The following SMAD1 variants were observed in gnomAD, a reference collection of about 807,000 sequenced individuals.
SMAD1 encodes the protein SMAD family member 1, also known as MAD, mothers against decapentaplegic homolog 1.
SMAD1 carries 6 observed loss-of-function variants against 41.6 expected under a neutral mutation model. That is an observed-to-expected ratio of 0.14 (90% confidence interval 0.08 to 0.28). The LOEUF is 0.28. SMAD1 is among the 10% of genes least tolerant of loss of function. The probability of loss-of-function intolerance (pLI) is 1.00; values close to 1 mark genes in which losing one functional copy is unlikely to be tolerated. For synonymous variants in SMAD1, 206 were observed against 203.2 expected (o/e 1.01, Z -0.12); for missense variants, 379 against 582.6 (o/e 0.65, Z 3.60).
At position 145,539,959 on chromosome 4, in the gene SMAD1, C is replaced by T. The variant is rs773114294; in HGVS notation, c.556C>T (p.His186Tyr). 6.2e-7 allele frequency: 1 copy of T among 1,614,078 alleles called. No homozygotes were observed. Among genetic ancestry groups the T allele is most frequent in the East Asian group, 2.2e-5 (1 of 44,878 alleles). The stretch of plus-strand genomic sequence containing the variant: ...GCAACCCAACAGCCACCCGTTTCCT[C>T]ACTCTCCCAATAGCAGTTACCCAAA... ...FQQPNSHPFP[H>Y]SPNSSYPNSP... is the part of the protein sequence containing the mutation. The change falls in exon 3 of 7, where the codon CAC (histidine) becomes TAC (tyrosine). Residue 186 changes from histidine (H) to tyrosine (Y), a missense_variant. Around this residue, in one of 3 missense-constraint regions of SMAD1, gnomAD observed 208 missense variants for 210.5 expected, o/e 0.99. Coordinates refer to ENST00000302085, the MANE Select transcript of SMAD1 (RefSeq NM_005900.3).
chr4:145,508,193 C>T (rs1180031577), intron 1 of SMAD1, among the ~76,000 whole-genome samples: 6 of 151,472 alleles, frequency 4.0e-5, no homozygotes, highest in Admixed American at 6.6e-5. Flanking sequence ...AGATTTAAAA[C>T]CTTCCACTTG....
At chr4:145,556,384 A>G (rs956278347) in intron 6 of SMAD1, among the ~76,000 whole-genome samples, 6 of 152,070 alleles carry the variant, frequency 3.9e-5, no homozygotes, top group Admixed American at 1.3e-4. Context: ...ACATACATCT[A>G]TGTAGATATA....
At chr4:145,544,836 A>G (rs913194704) in intron 4 of SMAD1, 6 of 152,218 alleles carry the variant, frequency 3.9e-5, no homozygotes, top group African/African-American at 1.2e-4. Flanking sequence ...GGACCAGGAT[A>G]CCAGGAGAGA....
At chr4:145,481,018 A>G (rs1306875339), upstream of SMAD1, among the ~76,000 whole-genome samples, 1 of 147,830 alleles carries the variant, frequency 6.8e-6, no homozygotes, top group Non-Finnish European at 1.5e-5. Flanking sequence ...GCAAGATTTT[A>G]TGCAGCTTCA....
intron 2 of SMAD1, among the ~76,000 whole-genome samples, chr4:145,524,192 A>G (rs551527502): frequency 6.6e-6 from 1 of 152,330 alleles, no homozygotes; most frequent in South Asian, 2.1e-4. Flanking sequence ...TATGGTTGAT[A>G]ATTTTATTAT....
rs10548153 is a variant in SMAD1 at position 145,531,211 on chromosome 4, CAT to C, written c.401-8590_401-8589del. 4.5e-3 allele frequency among the ~76,000 whole-genome samples: 690 copies of C among 152,340 alleles called. 1 individual carries two copies. Among genetic ancestry groups the C allele is most frequent in the African/African-American group, 0.016 (663 of 41,582 alleles). On this transcript the variant is annotated intron_variant, in intron 2 of 6. Coordinates refer to ENST00000302085, the MANE Select transcript of SMAD1 (RefSeq NM_005900.3). The stretch of plus-strand genomic sequence containing the variant: ...TTTCTTCAGCGTAAAGTTTCCCTGA[CAT>C]ATGCTGAGGTAAGGAATTTTATTTC...
At chr4:145,516,975 T>C (rs76817686) in intron 2 of SMAD1, 3 of 152,308 alleles carry the variant, frequency 2.0e-5, no homozygotes, top group African/African-American at 7.2e-5. Flanking sequence ...ACTATGAATA[T>C]GTCTTCTCCA....
At chr4:145,529,625 A>T (rs916639748) in intron 2 of SMAD1, among the ~76,000 whole-genome samples, 12 of 152,254 alleles carry the variant, frequency 7.9e-5, no homozygotes, top group Non-Finnish European at 4.4e-5. Context: ...CTATAAGGCC[A>T]TGCCAGCCTT....
Position 145,558,882 on chromosome 4 carries a change from A to G in SMAD1, c.*948A>G, listed in dbSNP as rs1004727346. Among the ~76,000 whole-genome samples, 2 of 152,216 alleles carry G rather than the reference A, an allele frequency of 1.3e-5. No individual in the cohort carries two copies. The highest frequency in any genetic ancestry group is 4.8e-5 in the African/African-American group (2 of 41,456). ...CAGTTATATGGAGTGCTTGAATTTA[A>G]TAAGCAGTTTTTACGGAGTTTACAG... On this transcript the variant is annotated 3_prime_UTR_variant, in exon 7 of 7. Coordinates refer to ENST00000302085, the MANE Select transcript of SMAD1 (RefSeq NM_005900.3).
rs746201994 is a variant in SMAD1 at position 145,546,731 on chromosome 4, A to C, written c.804A>C (p.Pro268=). ...GDVQAVAYEE[P]KHWCSIVYYE... ...TTCAGGCGGTTGCTTATGAGGAACCAAAACACTGGTGCTCTATTGTCTACT... is the reference window on the plus strand; with the variant it reads ...TTCAGGCGGTTGCTTATGAGGAACCCAAACACTGGTGCTCTATTGTCTACT... Residue 268 remains proline, a synonymous_variant, in exon 5 of 7, where the codon CCA becomes CCC. Transcript: ENST00000302085. 3 of 1,613,584 alleles carry C rather than the reference A, an allele frequency of 1.9e-6. No homozygotes were observed. Among genetic ancestry groups the C allele is most frequent in the Non-Finnish European group, 2.5e-6 (3 of 1,179,962 alleles).
At chr4:145,530,892 G>A (rs956055412) in intron 2 of SMAD1, among the ~76,000 whole-genome samples, 1 of 152,200 alleles carries the variant, frequency 6.6e-6, no homozygotes, top group Non-Finnish European at 1.5e-5. Context: ...CCTTGCATGG[G>A]TTACTTAGCT....
At chr4:145,526,923 TGGG>T (rs34169615) in intron 2 of SMAD1, among the ~76,000 whole-genome samples, 2 of 152,120 alleles carry the variant, frequency 1.3e-5, no homozygotes, top group African/African-American at 4.8e-5. Context: ...ACCCATAAAA[TGGG>T]GGAGTGGTTA....
intron 4 of SMAD1, chr4:145,546,154 T>C: frequency 6.4e-6 from 1 of 156,208 alleles, no homozygotes; most frequent in East Asian, 1.9e-4. Flanking sequence ...GTGATAGTTA[T>C]TGGCAACTTA....
chr4:145,483,696 C>T (rs1728320663), intron 1 of SMAD1, among the ~76,000 whole-genome samples: 1 of 152,088 alleles, frequency 6.6e-6, no homozygotes, highest in Admixed American at 6.6e-5. Flanking sequence ...TACTGCAGTT[C>T]TTAGGAAGGT....
At chr4:145,492,815 T>C (rs1279454423) in intron 1 of SMAD1, among the ~76,000 whole-genome samples, 1 of 152,240 alleles carries the variant, frequency 6.6e-6, no homozygotes, top group Non-Finnish European at 1.5e-5. Flanking sequence ...AGGAGCTGTA[T>C]GCCAGAAACA....
intron 6 of SMAD1, among the ~76,000 whole-genome samples, chr4:145,554,646 G>A (rs542229008): frequency 3.9e-5 from 6 of 152,104 alleles, no homozygotes; most frequent in Non-Finnish European, 8.8e-5. Context: ...TGAGGGAAGA[G>A]GTTAAAGACA....
At chr4:145,553,050 T>C (rs1172108885) in intron 5 of SMAD1, among the ~76,000 whole-genome samples, 1 of 150,900 alleles carries the variant, frequency 6.6e-6, no homozygotes, top group African/African-American at 2.4e-5. Context: ...ACTACAGGTG[T>C]GCACCCCTAT....
chr4:145,483,102 A>G (rs954404027), intron 1 of SMAD1: 5 of 152,196 alleles, frequency 3.3e-5, no homozygotes, highest in Admixed American at 6.5e-5. Context: ...ACGGTGCAAG[A>G]TAACCAGTAA....
intron 2 of SMAD1, among the ~76,000 whole-genome samples, chr4:145,527,962 G>A (rs1181291368): frequency 4.0e-5 from 6 of 150,904 alleles, no homozygotes; most frequent in African/African-American, 9.7e-5. Context: ...TCCCCGCCCC[G>A]GCCCCGGCCC....
Sources: gnomAD v4.1 joint callset for allele counts (sites outside exome capture counted in the v4.1 genomes callset) on GRCh38, gnomAD v4.1.1 for gene constraint, gnomAD v4.1.1 regional missense constraint, MANE v1.5 for transcripts, NCBI Gene and HGNC (gene_info 2026-07-23, HGNC 2026-07-21) for gene names.